AGAP1: variants seen among roughly 807,000 people sequenced by gnomAD.
AGAP1 encodes the protein ArfGAP with GTPase domain, ankyrin repeat and PH domain 1, also known as arf-GAP with GTPase, ANK repeat and PH domain-containing protein 1.
AGAP1 carries 29 observed loss-of-function variants against 105.3 expected under a neutral mutation model. The ratio of observed to expected loss-of-function variants is 0.28; its 90% CI spans 0.21 to 0.38. The LOEUF is 0.38. AGAP1 is among the 10% of genes least tolerant of loss of function. AGAP1 has a pLI of 1.00. For synonymous variants in AGAP1, 509 were observed against 485.9 expected (o/e 1.05, Z -0.63); for missense variants, 998 against 1,165.1 (o/e 0.86, Z 2.09).
At chr2:235,974,706 G>A (rs2054786570) in intron 13 of AGAP1, among the ~76,000 whole-genome samples, 1 of 152,186 alleles carries the variant, frequency 6.6e-6, no homozygotes, top group Non-Finnish European at 1.5e-5. Flanking sequence ...ATGAAATGTT[G>A]ACAAATTTCA....
Position 236,002,315 on chromosome 2 carries a change from C to CA in AGAP1, c.1645+33695dup, listed in dbSNP as rs2125520892. On this transcript the variant is annotated intron_variant, in intron 13 of 17. Transcript: ENST00000304032. The surrounding 1 kb of genome is among the most constrained non-coding windows in gnomAD (Gnocchi z 4.3). ...TCCCGTCCTGGAACAGCCGGTGACT[C>CA]AAAGCTCAAATATCATCCCCACCTG... Among the ~76,000 whole-genome samples the CA allele has an allele frequency of 6.6e-6, 1 of 152,316 alleles. No homozygotes were observed. Among genetic ancestry groups the CA allele is most frequent in the Non-Finnish European group, 1.5e-5 (1 of 68,034 alleles).
At position 235,648,960 on chromosome 2, in the gene AGAP1, C is replaced by A. The variant is rs556936154; in HGVS notation, c.164-60219C>A. Reference sequence around the variant, plus strand: ...AAGCAGGGACCCCTCCCCTGTACCCCCGCCAAAGCCACCATGGTAGCTCCT... The same window carrying A: ...AAGCAGGGACCCCTCCCCTGTACCCACGCCAAAGCCACCATGGTAGCTCCT... On this transcript the variant is annotated intron_variant, in intron 1 of 17. Transcript: ENST00000304032. Among the ~76,000 whole-genome samples the A allele has an allele frequency of 6.9e-4, 105 of 152,226 alleles. 2 individuals are homozygous for A. In the South Asian group the frequency reaches 0.02, roughly 29 times the overall value.
In AGAP1 at chr2:235,789,838, C is replaced by T. The variant is rs55936237; in HGVS notation, c.674-7921C>T. ...CAGCTTCTCATTAGGCTTTCAGTGA[C>T]AAGGAACCAAAAAGCAAATGCATAG... On this transcript the variant is annotated intron_variant, in intron 6 of 17. Transcript: ENST00000304032. This position sits in a 1 kb window ranked among gnomAD's most constrained non-coding sequence, Gnocchi z 4.2. Among the ~76,000 whole-genome samples, 39,293 of 152,062 alleles carry T rather than the reference C, an allele frequency of 0.26. 5,438 individuals carry two copies. The highest frequency in any genetic ancestry group is 0.4 in the Admixed American group (6,060 of 15,292).
chr2:235,653,865 T>C (rs1410625652), intron 1 of AGAP1, among the ~76,000 whole-genome samples: 2 of 152,204 alleles, frequency 1.3e-5, no homozygotes, highest in Non-Finnish European at 2.9e-5. Context: ...AAGACCATCC[T>C]GGCCAACATG....
rs945679788 is a variant in AGAP1, at chr2:236,129,507, G to A, written c.*5385G>A. ...AGGCAGAGAGTGAACTGGATCGCTG[G>A]CCCCTGGGATGCTGCGCTGTCTGTG... On this transcript the variant is annotated 3_prime_UTR_variant, in exon 18 of 18. Transcript: ENST00000304032. This position sits in a 1 kb window ranked among gnomAD's most constrained non-coding sequence, Gnocchi z 6.2. 1 of 152,166 alleles carries A rather than the reference G, an allele frequency of 6.6e-6. No homozygotes were observed. The highest frequency in any genetic ancestry group is 1.5e-5 in the Non-Finnish European group (1 of 68,052). The allele number at this position is 152,166 out of a possible 1,614,324, so 9.4% of individuals were successfully genotyped here. A position where few individuals can be genotyped will look rare whatever the true frequency, so the allele number is the denominator to read the frequency against.
chr2:236,084,059 G>A (rs534494418), intron 16 of AGAP1, among the ~76,000 whole-genome samples: 1 of 152,276 alleles, frequency 6.6e-6, no homozygotes, highest in African/African-American at 2.4e-5. Flanking sequence ...CTGGAGGATT[G>A]GCGCTCTCTG....
intron 1 of AGAP1, among the ~76,000 whole-genome samples, chr2:235,704,375 G>A (rs376436176): frequency 6.6e-6 from 1 of 151,926 alleles, no homozygotes; most frequent in Non-Finnish European, 1.5e-5. Context: ...GAGGCCGGGC[G>A]TGGTGGCTCA....
intron 2 of AGAP1, among the ~76,000 whole-genome samples, chr2:235,710,290 G>T (rs538436747): frequency 6.6e-6 from 1 of 152,210 alleles, no homozygotes; most frequent in Non-Finnish European, 1.5e-5. Flanking sequence ...GAGCAACAAA[G>T]AACTTCTAGG....
Position 235,865,680 on chromosome 2 carries a change from A to G in AGAP1, c.1051-17665A>G, listed in dbSNP as rs1482323996. Among the ~76,000 whole-genome samples the G allele has an allele frequency of 6.6e-6, 1 of 152,128 alleles. No individual in the cohort carries two copies. The highest frequency in any genetic ancestry group is 1.5e-5 in the Non-Finnish European group (1 of 68,028). ...TGCTCTGGAGGAGGGGCAGGGCGGG[A>G]AATATTACTATTTTAAAAAGCTCAG... On this transcript the variant is annotated intron_variant, in intron 9 of 17. Coordinates refer to ENST00000304032, the MANE Select transcript of AGAP1 (RefSeq NM_001037131.3). The surrounding 1 kb of genome is among the most constrained non-coding windows in gnomAD (Gnocchi z 6.2).
intron 1 of AGAP1, among the ~76,000 whole-genome samples, chr2:235,589,205 T>TTTG (rs1559270880): frequency 3.7e-5 from 4 of 107,304 alleles, no homozygotes; most frequent in Non-Finnish European, 6.7e-5. Flanking sequence ...TTTTTTTTTT[T>TTTG]TTTTTTTTTT....
intron 10 of AGAP1, among the ~76,000 whole-genome samples, chr2:235,895,746 GATGA>G (rs201556477): frequency 0.2 from 14,125 of 70,892 alleles, 856 homozygotes; most frequent in African/African-American, 0.26. Context: ...TGGATGGATG[GATGA>G]ATGGAGGCAC....
intron 16 of AGAP1, among the ~76,000 whole-genome samples, chr2:236,111,873 C>T (rs915629874): frequency 3.9e-5 from 6 of 152,100 alleles, no homozygotes; most frequent in Admixed American, 6.5e-5. Flanking sequence ...CCCATGGCAT[C>T]CCCCAGTCAC....
At position 235,845,352 on chromosome 2, in the gene AGAP1, A is replaced by G. The variant is rs374912135; in HGVS notation, c.1051-37993A>G. ...CAGGGGACCCCCAGAGCAAAATCCA[A>G]CACCATGCTGGCTTCTGGGAGTGCA... On this transcript the variant is annotated intron_variant, in intron 9 of 17. Coordinates refer to ENST00000304032, the MANE Select transcript of AGAP1 (RefSeq NM_001037131.3). The surrounding 1 kb of genome is among the most constrained non-coding windows in gnomAD (Gnocchi z 4.8). Among the ~76,000 whole-genome samples the G allele has an allele frequency of 4.6e-5, 7 of 152,220 alleles. No homozygotes were observed. In the East Asian group the frequency reaches 1.2e-3, roughly 25 times the overall value.
intron 13 of AGAP1, among the ~76,000 whole-genome samples, chr2:235,999,401 AGGT>A (rs751102461): frequency 1.1e-4 from 14 of 130,806 alleles, no homozygotes; most frequent in South Asian, 5.3e-4. Flanking sequence ...TGATGGTGAG[AGGT>A]GGTGGTGGTG....
chr2:235,598,927 G>T (rs1945635450), intron 1 of AGAP1, among the ~76,000 whole-genome samples: 1 of 152,156 alleles, frequency 6.6e-6, no homozygotes, highest in African/African-American at 2.4e-5. Flanking sequence ...AATATTTAGG[G>T]CTGTGGATGG....
At position 235,566,401 on chromosome 2, in the gene AGAP1, CGGCAGACTGAAGG is replaced by C. The variant is rs1412368077; in HGVS notation, c.163+71553_163+71565del. ...ATTTTTCAATGCATTGCAAAGTCAACGGCAGACTGAAGGACTGCCGCATGCATAGCTGCTATTA... is the reference window on the plus strand; with the variant it reads ...ATTTTTCAATGCATTGCAAAGTCAACACTGCCGCATGCATAGCTGCTATTA... On this transcript the variant is annotated intron_variant, in intron 1 of 17. Coordinates refer to ENST00000304032, the MANE Select transcript of AGAP1 (RefSeq NM_001037131.3). The surrounding 1 kb of genome is among the most constrained non-coding windows in gnomAD (Gnocchi z 5.2). Among the ~76,000 whole-genome samples the C allele has an allele frequency of 2.0e-5, 3 of 152,274 alleles. No homozygotes were observed. The highest frequency in any genetic ancestry group is 6.5e-5 in the Admixed American group (1 of 15,304).
intron 13 of AGAP1, among the ~76,000 whole-genome samples, chr2:236,016,371 G>A (rs1261407589): frequency 7.6e-6 from 1 of 131,772 alleles, no homozygotes; most frequent in African/African-American, 3.0e-5. Context: ...TATCAAATAT[G>A]TTGGGTTTGC....
chr2:235,594,082 TGTA>T (rs1945438739), intron 1 of AGAP1, among the ~76,000 whole-genome samples: 2 of 152,124 alleles, frequency 1.3e-5, no homozygotes, highest in Non-Finnish European at 2.9e-5. Flanking sequence ...TAGGTGCACA[TGTA>T]GTAAGGATAG....
chr2:235,766,152 T>C (rs547939603), intron 6 of AGAP1, among the ~76,000 whole-genome samples: 1 of 152,364 alleles, frequency 6.6e-6, no homozygotes, highest in East Asian at 1.9e-4. Flanking sequence ...CTTTAAGTTA[T>C]AATTGTTTTT....
Sources: gnomAD v4.1 joint callset for allele counts (sites outside exome capture counted in the v4.1 genomes callset) on GRCh38, gnomAD v4.1.1 for gene constraint, Gnocchi (gnomAD v3.1) non-coding constraint, MANE v1.5 for transcripts, NCBI Gene and HGNC (gene_info 2026-07-23, HGNC 2026-07-21) for gene names.